Variants in SLC45A4 observed in about 807,000 individuals in gnomAD.
SLC45A4 encodes solute carrier family 45 member 4.
In SLC45A4, 32 loss-of-function variants were observed where a neutral mutation model predicts 63.7. The ratio of observed to expected loss-of-function variants is 0.50; its 90% CI spans 0.38 to 0.67. The LOEUF is 0.67. Ranked by LOEUF, SLC45A4 falls within the 30% of genes least tolerant of loss-of-function variation. The probability of loss-of-function intolerance (pLI) is 0.00; values close to 1 mark genes in which losing one functional copy is unlikely to be tolerated. For synonymous variants in SLC45A4, 535 were observed against 510.0 expected, an observed-to-expected ratio of 1.05 and a Z score of -0.66; for missense variants, 1,027 against 1,157.7, an observed-to-expected ratio of 0.89 and a Z score of 1.64.
intron 1 of SLC45A4, among the ~76,000 whole-genome samples, chr8:141,285,855 C>T (rs1246389109): frequency 6.6e-6 from 1 of 152,206 alleles, no homozygotes; most frequent in Non-Finnish European, 1.5e-5. Flanking sequence ...TGAGTTCTAG[C>T]CATGGTCCCA....
chr8:141,279,196 C>A (rs1032339680), intron 1 of SLC45A4, among the ~76,000 whole-genome samples: 1 of 152,196 alleles, frequency 6.6e-6, no homozygotes, highest in African/African-American at 2.4e-5. Flanking sequence ...CCTGTGGCCT[C>A]GGGGCCCTGG....
Position 141,306,896 on chromosome 8 carries a change from C to A in SLC45A4, c.-401+1200G>T, listed in dbSNP as rs1012676187. ...AATCACTCATCTGGTAAACCCTCCT[C>A]GCTCCGGGTCATAGACTGGAAAAGA... On this transcript the variant is annotated intron_variant, in intron 1 of 8. Coordinates refer to ENST00000517878, the MANE Select transcript of SLC45A4 (RefSeq NM_001286646.2). Among the ~76,000 whole-genome samples the A allele has an allele frequency of 2.0e-5, 3 of 152,328 alleles. No homozygotes were observed. In the South Asian group the frequency reaches 6.2e-4, roughly 32 times the overall value.
intron 1 of SLC45A4, among the ~76,000 whole-genome samples, chr8:141,267,163 G>A (rs1473507461): frequency 6.6e-6 from 1 of 152,264 alleles, no homozygotes; most frequent in Non-Finnish European, 1.5e-5. Flanking sequence ...GGAGACTTCC[G>A]TGACACTTCC....
At chr8:141,216,435 C>T (rs1050521155) in intron 6 of SLC45A4, among the ~76,000 whole-genome samples, 42 of 152,238 alleles carry the variant, frequency 2.8e-4, no homozygotes, top group Non-Finnish European at 4.4e-4. Context: ...GCAGCTCAGA[C>T]GGCACCTCCC....
intron 1 of SLC45A4, among the ~76,000 whole-genome samples, chr8:141,304,324 CCAGG>C (rs1830833704): frequency 6.6e-6 from 1 of 151,854 alleles, no homozygotes; most frequent in Non-Finnish European, 1.5e-5. Flanking sequence ...TTCGGGAGGC[CCAGG>C]CAGGCAGATC....
At chr8:141,266,662 A>G (rs745790235) in intron 1 of SLC45A4, among the ~76,000 whole-genome samples, 1 of 152,280 alleles carries the variant, frequency 6.6e-6, no homozygotes, top group South Asian at 2.1e-4. Flanking sequence ...CGCAAAAGAC[A>G]TATCTGATAA....
chr8:141,245,665 C>A (rs1481409066), intron 2 of SLC45A4, among the ~76,000 whole-genome samples: 3 of 152,146 alleles, frequency 2.0e-5, no homozygotes, highest in Non-Finnish European at 4.4e-5. Flanking sequence ...ACTCTTAGAG[C>A]TAGATGGGAC....
chr8:141,266,577 C>G (rs544562335), intron 1 of SLC45A4, among the ~76,000 whole-genome samples: 1 of 152,336 alleles, frequency 6.6e-6, no homozygotes, highest in South Asian at 2.1e-4. Flanking sequence ...TGTGGGAAAT[C>G]CCACTGACTT....
At chr8:141,255,782 C>A (rs1277646216) in intron 1 of SLC45A4, among the ~76,000 whole-genome samples, 1 of 151,980 alleles carries the variant, frequency 6.6e-6, no homozygotes, top group African/African-American at 2.4e-5. Context: ...AAGTAGGAGG[C>A]TGGGTGGAAT....
At chr8:141,236,049 A>G (rs573749693) in intron 2 of SLC45A4, among the ~76,000 whole-genome samples, 1 of 152,312 alleles carries the variant, frequency 6.6e-6, no homozygotes, top group Admixed American at 6.5e-5. Context: ...GGTTGCAGTG[A>G]GCCGAGATCA....
At chr8:141,273,097 A>T (rs1829601099) in intron 1 of SLC45A4, among the ~76,000 whole-genome samples, 1 of 152,234 alleles carries the variant, frequency 6.6e-6, no homozygotes, top group African/African-American at 2.4e-5. Flanking sequence ...AAATCACATG[A>T]AAACAAGGAC....
chr8:141,272,015 C>T (rs1370029857), intron 1 of SLC45A4, among the ~76,000 whole-genome samples: 1 of 152,016 alleles, frequency 6.6e-6, no homozygotes, highest in Admixed American at 6.5e-5. Context: ...CAACACACAC[C>T]TGCGTACACA....
At chr8:141,275,490 C>T (rs1214349141) in intron 1 of SLC45A4, among the ~76,000 whole-genome samples, 3 of 151,912 alleles carry the variant, frequency 2.0e-5, no homozygotes, top group Non-Finnish European at 2.9e-5. Flanking sequence ...CCCAGCTATT[C>T]GGTAGGCTGA....
intron 1 of SLC45A4, among the ~76,000 whole-genome samples, chr8:141,301,573 T>A (rs1830743574): frequency 6.6e-6 from 1 of 151,178 alleles, no homozygotes; most frequent in South Asian, 2.1e-4. Context: ...ATGGTGAAAC[T>A]CTGTCTCTGC....
rs568792591 is a variant in SLC45A4, at chr8:141,254,813, A to G, written c.-400-184T>C. On this transcript the variant is annotated intron_variant, in intron 1 of 8. Transcript: ENST00000517878. This position sits in a 1 kb window ranked among gnomAD's most constrained non-coding sequence, Gnocchi z 4.5. The stretch of plus-strand genomic sequence containing the variant: ...AACCAAACCTACTTTCTAGAAAAAC[A>G]TTTTCTCATACGAAAGTGAATCCTG... 20 of 550,332 alleles carry G rather than the reference A, an allele frequency of 3.6e-5. No homozygotes were observed. The highest frequency in any genetic ancestry group is 3.2e-4 in the African/African-American group (17 of 53,598). The allele number at this position is 550,332 out of a possible 1,614,324, so 34.1% of individuals were successfully genotyped here. A position where few individuals can be genotyped will look rare whatever the true frequency, so the allele number is the denominator to read the frequency against.
At chr8:141,291,156 A>G (rs912151609) in intron 1 of SLC45A4, among the ~76,000 whole-genome samples, 1 of 152,322 alleles carries the variant, frequency 6.6e-6, no homozygotes, top group Admixed American at 6.5e-5. Flanking sequence ...AAGTGCTGGA[A>G]TTACAGGCAT....
intron 2 of SLC45A4, chr8:141,228,389 C>A: frequency 6.7e-7 from 1 of 1,495,128 alleles, no homozygotes; most frequent in Non-Finnish European, 8.9e-7. Flanking sequence ...CTGGCCAGAC[C>A]CAAGCAGGAC....
At chr8:141,257,496 C>A (rs1018390564) in intron 1 of SLC45A4, among the ~76,000 whole-genome samples, 1 of 152,208 alleles carries the variant, frequency 6.6e-6, no homozygotes, top group African/African-American at 2.4e-5. Context: ...AACATCAGAC[C>A]CTTCATGCCT....
intron 2 of SLC45A4, among the ~76,000 whole-genome samples, chr8:141,253,508 A>G (rs1407706946): frequency 6.6e-6 from 1 of 152,236 alleles, no homozygotes; most frequent in African/African-American, 2.4e-5. Flanking sequence ...GCACTGTTCT[A>G]AGCACACCTG....
Sources: gnomAD v4.1 joint callset for allele counts (sites outside exome capture counted in the v4.1 genomes callset) on GRCh38, gnomAD v4.1.1 for gene constraint, Gnocchi (gnomAD v3.1) non-coding constraint, MANE v1.5 for transcripts, NCBI Gene and HGNC (gene_info 2026-07-23, HGNC 2026-07-21) for gene names.